The following UBR1 variants were observed in gnomAD, a reference collection of about 807,000 sequenced individuals.
UBR1 encodes E3 ubiquitin-protein ligase UBR1.
UBR1 carries 102 observed loss-of-function variants against 242.1 expected under a neutral mutation model. That is an observed-to-expected ratio of 0.42 (90% CI 0.36 to 0.50). The LOEUF (loss-of-function observed/expected upper bound fraction) is 0.50. Ranked by LOEUF, UBR1 falls within the 20% of genes least tolerant of loss-of-function variation. UBR1 has a pLI of 0.01. For synonymous variants in UBR1, 675 were observed against 684.8 expected, an observed-to-expected ratio of 0.99 and a Z score of 0.22; for missense variants, 1,772 against 2,101.8, an observed-to-expected ratio of 0.84 and a Z score of 3.07.
chr15:42,999,196 C>T (rs1180106229), intron 32 of UBR1, among the ~76,000 whole-genome samples: 1 of 152,198 alleles, frequency 6.6e-6, no homozygotes, highest in African/African-American at 2.4e-5. Flanking sequence ...GCCTCAGCCT[C>T]CCAAAGTGCT....
intron 1 of UBR1, among the ~76,000 whole-genome samples, chr15:43,086,806 C>T (rs1034941920): frequency 7.2e-5 from 11 of 152,018 alleles, no homozygotes; most frequent in African/African-American, 2.4e-4. Context: ...AATGAGATAC[C>T]CCTGTACAAC....
Position 43,036,082 on chromosome 15 carries a change from T to A in UBR1, c.2190+96A>T, listed in dbSNP as rs115199320. ...TACCCTAAAACTTAAAGTATAATTT[T>A]AAAAAATATGGCTAAATATGACTGA... On this transcript the variant is annotated intron_variant, in intron 19 of 46. Transcript: ENST00000290650. 4.8e-3 allele frequency: 5,507 copies of A among 1,154,536 alleles called. 137 individuals carry two copies. The African/African-American group carries it at 0.063, about 13-fold the overall frequency. The allele number at this position is 1,154,536 out of a possible 1,614,324, so 71.5% of individuals were successfully genotyped here. A position where few individuals can be genotyped will look rare whatever the true frequency, so the allele number is the denominator to read the frequency against.
intron 21 of UBR1, among the ~76,000 whole-genome samples, chr15:43,028,746 CAA>C (rs1266687796): frequency 2.9e-5 from 3 of 104,222 alleles, no homozygotes; most frequent in Admixed American, 9.9e-5. Flanking sequence ...CTCCATCAAA[CAA>C]AAAAAAAAAA....
At chr15:42,985,728 C>G (rs2032448331) in intron 35 of UBR1, among the ~76,000 whole-genome samples, 1 of 152,012 alleles carries the variant, frequency 6.6e-6, no homozygotes, top group African/African-American at 2.4e-5. Flanking sequence ...GTGGTTCATG[C>G]CTGTAATCCC....
intron 29 of UBR1, among the ~76,000 whole-genome samples, chr15:43,008,744 G>A (rs1359811426): frequency 6.6e-6 from 1 of 152,130 alleles, no homozygotes; most frequent in Admixed American, 6.5e-5. Flanking sequence ...CTCTTCTGAA[G>A]CCCCTAAAAA....
At position 42,943,097 on chromosome 15, in the gene UBR1, A is replaced by G. The variant is rs1213209091; in HGVS notation, c.*2232T>C. On this transcript the variant is annotated 3_prime_UTR_variant, in exon 47 of 47. Transcript: ENST00000290650. ...TCATCATCACAGTGAACCAAAATGCATAGTTGTTATGAAATGACAAATGAC... is the reference window on the plus strand; with the variant it reads ...TCATCATCACAGTGAACCAAAATGCGTAGTTGTTATGAAATGACAAATGAC... The G allele has an allele frequency of 6.6e-6, 1 of 152,642 alleles. No individual in the cohort carries two copies. Among genetic ancestry groups the G allele is most frequent in the African/African-American group, 2.4e-5 (1 of 41,460 alleles). The allele number at this position is 152,642 out of a possible 1,614,324, so 9.5% of individuals were successfully genotyped here.
rs928075445 is a variant in UBR1, at chr15:42,943,937, A to G, written c.*1392T>C. ...CTGCAAAATCCACTTTTCTTTACAT[A>G]AAAGTACCAAAAAAATCTAGCCCCA... On this transcript the variant is annotated 3_prime_UTR_variant, in exon 47 of 47. Coordinates refer to ENST00000290650, the MANE Select transcript of UBR1 (RefSeq NM_174916.3). The G allele has an allele frequency of 6.6e-6, 1 of 152,370 alleles. No individual in the cohort carries two copies. The highest frequency in any genetic ancestry group is 1.5e-5 in the Non-Finnish European group (1 of 68,042). 9.4% of individuals were successfully genotyped at this position (152,370 alleles called of 1,614,324 possible).
At chr15:43,072,075 C>G (rs556211011) in intron 4 of UBR1, among the ~76,000 whole-genome samples, 96 of 152,244 alleles carry the variant, frequency 6.3e-4, no homozygotes, top group African/African-American at 2.2e-3. Context: ...GAGATAGGGT[C>G]TCCTGGCCTC....
At chr15:43,065,822 GT>G (rs933613020) in intron 6 of UBR1, among the ~76,000 whole-genome samples, 1 of 151,764 alleles carries the variant, frequency 6.6e-6, no homozygotes, top group Non-Finnish European at 1.5e-5. Context: ...GAGGTTGTTG[GT>G]TTTTTTTCTT....
intron 6 of UBR1, among the ~76,000 whole-genome samples, chr15:43,067,487 T>G (rs909624496): frequency 6.6e-6 from 1 of 152,234 alleles, no homozygotes; most frequent in African/African-American, 2.4e-5. Flanking sequence ...TTGCTCTGGA[T>G]GGATGTTAAA....
chr15:43,058,202 G>A (rs1033401113), intron 10 of UBR1, 139 bp downstream of exon 10: 10 of 673,330 alleles, frequency 1.5e-5, no homozygotes, highest in East Asian at 3.1e-5. Flanking sequence ...GAGCCAACCC[G>A]CAGGGCCAAG....
chr15:42,965,245 C>T (rs1172567441), intron 41 of UBR1, among the ~76,000 whole-genome samples: 1 of 152,050 alleles, frequency 6.6e-6, no homozygotes, highest in East Asian at 1.9e-4. Flanking sequence ...TCTCAAAGGA[C>T]AAAAGGAAGA....
intron 14 of UBR1, among the ~76,000 whole-genome samples, chr15:43,044,759 G>A (rs2033462750): frequency 1.3e-5 from 2 of 152,172 alleles, no homozygotes; most frequent in Admixed American, 1.3e-4. Context: ...GCCGGGTGTG[G>A]TGGTGCACAC....
chr15:42,953,018 G>A (rs1040731204), intron 44 of UBR1, among the ~76,000 whole-genome samples: 34 of 151,614 alleles, frequency 2.2e-4, no homozygotes, highest in Admixed American at 2.1e-3. Context: ...CGGCCTCCCC[G>A]GTCCAAGCAA....
In UBR1 at chr15:43,037,806, C is replaced by A. The variant is rs1335754750; in HGVS notation, c.1989G>T (p.Met663Ile). Residue 663 changes from methionine to isoleucine, a missense_variant, in exon 17 of 47, where the codon ATG becomes ATT. Around this residue, in one of 3 missense-constraint regions of UBR1, gnomAD observed 734 missense variants for 893.3 expected, o/e 0.82. Transcript: ENST00000290650. ...LVLVAQVVAE[M>I]WRRNGLSLIS... ...TAAGAGACAGTCCATTTCTTCGCCA[C>A]ATCTCAGCAACAACCTGGGCAACCA... is the stretch of plus-strand genomic sequence containing the variant. 6.2e-7 allele frequency: 1 copy of A among 1,614,142 alleles called. No individual in the cohort carries two copies. The highest frequency in any genetic ancestry group is 1.1e-5 in the South Asian group (1 of 91,086).
chr15:42,967,612 A>T (rs1189242270), intron 40 of UBR1, among the ~76,000 whole-genome samples: 2 of 152,074 alleles, frequency 1.3e-5, no homozygotes, highest in Non-Finnish European at 2.9e-5. Context: ...GTAAACTATG[A>T]ACTTGAGTTA....
intron 1 of UBR1, among the ~76,000 whole-genome samples, chr15:43,097,361 A>C (rs905552481): frequency 2.6e-5 from 4 of 152,160 alleles, no homozygotes; most frequent in Non-Finnish European, 4.4e-5. Flanking sequence ...ATAATTCTTA[A>C]GTATTCTTGG....
chr15:42,957,983 T>C (rs1330147208), intron 44 of UBR1, 30 bp downstream of exon 44: 1 of 1,562,210 alleles, frequency 6.4e-7, no homozygotes, highest in Non-Finnish European at 8.8e-7. Flanking sequence ...GATTTAAAAT[T>C]ACACACATAT....
At chr15:43,064,155 G>A (rs930346644) in intron 6 of UBR1, among the ~76,000 whole-genome samples, 4 of 152,180 alleles carry the variant, frequency 2.6e-5, no homozygotes, top group Non-Finnish European at 4.4e-5. Context: ...AACTCATTTA[G>A]AGTACCACAT....
Sources: gnomAD v4.1 joint callset for allele counts (sites outside exome capture counted in the v4.1 genomes callset) on GRCh38, gnomAD v4.1.1 for gene constraint, gnomAD v4.1.1 regional missense constraint, MANE v1.5 for transcripts, NCBI Gene and HGNC (gene_info 2026-07-23, HGNC 2026-07-21) for gene names.